Variants in DNAJC24 observed in about 807,000 individuals in gnomAD.
The protein encoded by DNAJC24 is DnaJ heat shock protein family (Hsp40) member C24, also known as dnaJ homolog subfamily C member 24.
In DNAJC24, 17 loss-of-function variants were observed where a neutral mutation model predicts 18.0. The observed-to-expected ratio is 0.94, with a 90% confidence interval of 0.65 to 1.42. The LOEUF (loss-of-function observed/expected upper bound fraction) is 1.42, where lower values mean the gene tolerates loss of function less well. Among genes scored for constraint, DNAJC24 ranks in the 40% most tolerant of loss-of-function variants. The probability of loss-of-function intolerance (pLI) is 0.00; values close to 1 mark genes in which losing one functional copy is unlikely to be tolerated. For synonymous variants in DNAJC24, 55 were observed against 57.7 expected (o/e 0.95, Z 0.21); for missense variants, 158 against 175.6 (o/e 0.90, Z 0.57).
chr11:31,398,247 C>T (rs949789575), intron 2 of DNAJC24, among the ~76,000 whole-genome samples: 4 of 151,276 alleles, frequency 2.6e-5, no homozygotes, highest in African/African-American at 9.7e-5. Flanking sequence ...GTATTAAGGT[C>T]ACCTATCTTG....
intron 3 of DNAJC24, among the ~76,000 whole-genome samples, chr11:31,419,810 TAC>T (rs1952786306): frequency 6.6e-6 from 1 of 152,052 alleles, no homozygotes; most frequent in Non-Finnish European, 1.5e-5. Flanking sequence ...TTGCTCCATT[TAC>T]AGTCAATGAA....
chr11:31,405,922 T>G (rs61879927), intron 2 of DNAJC24, among the ~76,000 whole-genome samples: 43,211 of 152,020 alleles, frequency 0.28, 6,999 homozygotes, highest in Non-Finnish European at 0.35. Context: ...GGGGCCAAAA[T>G]TAGCCTTTTA....
At chr11:31,401,622 T>G (rs1456320217) in intron 2 of DNAJC24, among the ~76,000 whole-genome samples, 1 of 152,098 alleles carries the variant, frequency 6.6e-6, no homozygotes, top group East Asian at 1.9e-4. Flanking sequence ...CAATTTTGTC[T>G]CAAAGGCAGT....
At chr11:31,423,318 T>A (rs918998820) in intron 3 of DNAJC24, among the ~76,000 whole-genome samples, 1 of 152,176 alleles carries the variant, frequency 6.6e-6, no homozygotes, top group African/African-American at 2.4e-5. Context: ...TGGAGTGCAA[T>A]GGCGGGATCT....
At chr11:31,370,895 GAAA>G in intron 2 of DNAJC24, 36 bp downstream of exon 2, 1 of 1,384,428 alleles carries the variant, frequency 7.2e-7, no homozygotes, top group East Asian at 2.4e-5. Flanking sequence ...ATCATGAGGG[GAAA>G]AAAATCAATT....
intron 2 of DNAJC24, among the ~76,000 whole-genome samples, chr11:31,399,429 T>G (rs899378196): frequency 6.6e-6 from 1 of 151,020 alleles, no homozygotes; most frequent in African/African-American, 2.4e-5. Context: ...TTTTTTTTTT[T>G]TTTGAGACGG....
In DNAJC24 at chr11:31,431,550, A is replaced by T. The variant is rs1037856041; in HGVS notation, c.*1149A>T. 1.3e-5 allele frequency: 2 copies of T among 151,158 alleles called. No homozygotes were observed. Among genetic ancestry groups the T allele is most frequent in the East Asian group, 4.0e-4 (2 of 4,990 alleles). The allele number at this position is 151,158 out of a possible 1,614,324, so 9.4% of individuals were successfully genotyped here. A position where few individuals can be genotyped will look rare whatever the true frequency, so the allele number is the denominator to read the frequency against. On this transcript the variant is annotated 3_prime_UTR_variant, in exon 5 of 5. Transcript: ENST00000465995. ...ATTGGGGCCAGGCATGGTGGCTCAC[A>T]TCTGTAATCCCAGCACTTTGGGAGA...
Position 31,432,382 on chromosome 11 carries a change from A to G in DNAJC24, c.*1981A>G. 2 of 648,136 alleles carry G rather than the reference A, an allele frequency of 3.1e-6. No individual in the cohort carries two copies. The highest frequency in any genetic ancestry group is 4.7e-5 in the South Asian group (2 of 42,118). The allele number at this position is 648,136 out of a possible 1,614,324, so 40.1% of individuals were successfully genotyped here. A position where few individuals can be genotyped will look rare whatever the true frequency, so the allele number is the denominator to read the frequency against. ...GTGTTGAATATTCTTTACATTTAAC[A>G]ATTAAAAACAACTAAAACTGAATAG... On this transcript the variant is annotated 3_prime_UTR_variant, in exon 5 of 5. Transcript: ENST00000465995.
chr11:31,426,020 T>C (rs1952857798), intron 3 of DNAJC24, among the ~76,000 whole-genome samples: 2 of 152,222 alleles, frequency 1.3e-5, no homozygotes, highest in African/African-American at 4.8e-5. Context: ...TCATCAAAAT[T>C]AACTTCATGC....
chr11:31,408,532 A>T (rs909010291), intron 2 of DNAJC24, among the ~76,000 whole-genome samples: 4 of 152,246 alleles, frequency 2.6e-5, no homozygotes, highest in Admixed American at 6.5e-5. Flanking sequence ...GCCCATTGCC[A>T]TAAAATCTCA....
rs1952925987 is a variant in DNAJC24, at chr11:31,431,762, A to T, written c.*1361A>T. 6.6e-6 allele frequency: 1 copy of T among 151,884 alleles called. No individual in the cohort carries two copies. The highest frequency in any genetic ancestry group is 2.4e-5 in the African/African-American group (1 of 41,390). The allele number at this position is 151,884 out of a possible 1,614,324, so 9.4% of individuals were successfully genotyped here. A position where few individuals can be genotyped will look rare whatever the true frequency, so the allele number is the denominator to read the frequency against. On this transcript the variant is annotated 3_prime_UTR_variant, in exon 5 of 5. Transcript: ENST00000465995. ...TGAACCCAGGAGGCAGAGTGAGCCG[A>T]GGTTGTGCCACTGCACTGCAGCCTG...
chr11:31,413,666 A>G (rs550863811), intron 2 of DNAJC24, among the ~76,000 whole-genome samples: 1 of 152,104 alleles, frequency 6.6e-6, no homozygotes, highest in Non-Finnish European at 1.5e-5. Flanking sequence ...ATTCATTTTC[A>G]TGGTGAGCTT....
intron 3 of DNAJC24, chr11:31,416,005 TC>T (rs1259522092): frequency 6.6e-6 from 1 of 152,224 alleles, no homozygotes. Context: ...AATTAAGGTT[TC>T]TTATAGGCTG....
At chr11:31,418,576 T>C (rs1032852630) in intron 3 of DNAJC24, among the ~76,000 whole-genome samples, 1 of 152,122 alleles carries the variant, frequency 6.6e-6, no homozygotes, top group Admixed American at 6.6e-5. Context: ...GATTAAATAA[T>C]GTTTAAAAGA....
At chr11:31,402,314 C>A (rs1952607873) in intron 2 of DNAJC24, among the ~76,000 whole-genome samples, 2 of 152,008 alleles carry the variant, frequency 1.3e-5, no homozygotes, top group South Asian at 4.1e-4. Flanking sequence ...AGGGTCCATA[C>A]CATCAATAGA....
At chr11:31,403,817 G>A (rs1952626519) in intron 2 of DNAJC24, among the ~76,000 whole-genome samples, 1 of 152,168 alleles carries the variant, frequency 6.6e-6, no homozygotes, top group African/African-American at 2.4e-5. Context: ...CCCCAAGAGA[G>A]GGTTCTTGGA....
chr11:31,417,131 T>A (rs993039691), intron 3 of DNAJC24: 1 of 151,900 alleles, frequency 6.6e-6, no homozygotes, highest in African/African-American at 2.4e-5. Flanking sequence ...CAGCTTTTCA[T>A]GACACTTTAG....
At chr11:31,371,669 G>A (rs1952258352) in intron 2 of DNAJC24, among the ~76,000 whole-genome samples, 1 of 151,994 alleles carries the variant, frequency 6.6e-6, no homozygotes, top group South Asian at 2.1e-4. Context: ...TACATAATAT[G>A]CATGCATGTA....
chr11:31,382,756 T>C (rs1952388668), intron 2 of DNAJC24, among the ~76,000 whole-genome samples: 1 of 152,160 alleles, frequency 6.6e-6, no homozygotes, highest in African/African-American at 2.4e-5. Context: ...TGGACACCAA[T>C]TGGGTGTCCT....
Sources: gnomAD v4.1 joint callset for allele counts (sites outside exome capture counted in the v4.1 genomes callset) on GRCh38, gnomAD v4.1.1 for gene constraint, MANE v1.5 for transcripts, NCBI Gene and HGNC (gene_info 2026-07-23, HGNC 2026-07-21) for gene names.